The following CTNNBIP1 variants were observed in gnomAD, a reference collection of about 807,000 sequenced individuals.
CTNNBIP1 encodes catenin beta interacting protein 1.
Under a neutral mutation model 11.8 loss-of-function variants are expected in CTNNBIP1, and 7 were observed. The ratio of observed to expected loss-of-function variants is 0.60; its 90% CI spans 0.34 to 1.12. The LOEUF (loss-of-function observed/expected upper bound fraction) is 1.12. Among genes scored for constraint, CTNNBIP1 ranks in the 50% most tolerant of loss-of-function variants. The probability of loss-of-function intolerance (pLI) is 0.03; values close to 1 mark genes in which losing one functional copy is unlikely to be tolerated. For missense variants in CTNNBIP1, 101 were observed against 113.4 expected, an observed-to-expected ratio of 0.89 and a Z score of 0.50; for synonymous variants, 58 against 43.9, an observed-to-expected ratio of 1.32 and a Z score of -1.26.
At chr1:9,880,336 CCA>C (rs1170017544) in intron 2 of CTNNBIP1, among the ~76,000 whole-genome samples, 8 of 152,170 alleles carry the variant, frequency 5.3e-5, no homozygotes, top group Non-Finnish European at 1.2e-4. Flanking sequence ...GCATGGTATT[CCA>C]CAGTGTATAT....
intron 1 of CTNNBIP1, among the ~76,000 whole-genome samples, chr1:9,899,877 C>A (rs1639488463): frequency 6.6e-6 from 1 of 150,488 alleles, no homozygotes; most frequent in Non-Finnish European, 1.5e-5. Flanking sequence ...GGTTCGAGAC[C>A]AGCCTAGCCA....
At chr1:9,900,709 C>T (rs1380048789) in intron 1 of CTNNBIP1, among the ~76,000 whole-genome samples, 1 of 152,210 alleles carries the variant, frequency 6.6e-6, no homozygotes, top group Non-Finnish European at 1.5e-5. Flanking sequence ...TGGAAGACTG[C>T]TCTGTGCAGG....
In CTNNBIP1 at chr1:9,898,552, T is replaced by C. The variant is rs12405706; in HGVS notation, c.-144+11543A>G. 3.7e-3 allele frequency among the ~76,000 whole-genome samples: 560 copies of C among 150,918 alleles called. 10 individuals carry two copies. The highest frequency in any genetic ancestry group is 0.018 in the Admixed American group (278 of 15,192). Reference sequence around the variant, plus strand: ...GGGAAAAAAAAAATAAAAAGAACAGTGACAAATTGGCGAAAATATGTATAA... The same window carrying C: ...GGGAAAAAAAAAATAAAAAGAACAGCGACAAATTGGCGAAAATATGTATAA... On this transcript the variant is annotated intron_variant, in intron 1 of 5. Coordinates refer to ENST00000377263, the MANE Select transcript of CTNNBIP1 (RefSeq NM_020248.3).
chr1:9,910,003 C>T (rs1187350878), intron 1 of CTNNBIP1, 92 bp downstream of exon 1: 2 of 150,792 alleles, frequency 1.3e-5, no homozygotes, highest in Non-Finnish European at 3.0e-5. Context: ...CGGCCCCTCC[C>T]CGGCAGACAA....
chr1:9,881,496 C>T (rs1440387916), intron 2 of CTNNBIP1, among the ~76,000 whole-genome samples: 1 of 151,946 alleles, frequency 6.6e-6, no homozygotes, highest in Non-Finnish European at 1.5e-5. Context: ...CCCGCCACCA[C>T]ACCCGGCTAT....
intron 5 of CTNNBIP1, among the ~76,000 whole-genome samples, chr1:9,869,090 C>T (rs989940767): frequency 3.3e-5 from 5 of 151,196 alleles, no homozygotes; most frequent in African/African-American, 9.7e-5. Context: ...GCATCAACCT[C>T]CTGGGCTCAA....
chr1:9,901,530 T>C (rs973244445), intron 1 of CTNNBIP1, among the ~76,000 whole-genome samples: 8 of 152,158 alleles, frequency 5.3e-5, no homozygotes, highest in Non-Finnish European at 1.2e-4. Flanking sequence ...GTCAAGGACA[T>C]TGACCACAGG....
intron 1 of CTNNBIP1, among the ~76,000 whole-genome samples, 188 bp downstream of exon 1, chr1:9,909,907 C>A (rs1162967733): frequency 6.6e-6 from 1 of 151,950 alleles, no homozygotes; most frequent in African/African-American, 2.4e-5. Context: ...GGGAGGTGGT[C>A]TGCGGCGAGA....
intron 5 of CTNNBIP1, among the ~76,000 whole-genome samples, chr1:9,865,166 T>G (rs531525151): frequency 6.6e-6 from 1 of 151,534 alleles, no homozygotes; most frequent in South Asian, 2.1e-4. Context: ...GAGGTGGAGG[T>G]TGCAGTGAGC....
intron 1 of CTNNBIP1, among the ~76,000 whole-genome samples, chr1:9,887,205 G>C (rs1260578462): frequency 6.6e-6 from 1 of 152,246 alleles, no homozygotes; most frequent in African/African-American, 2.4e-5. Flanking sequence ...TCCAGGCACA[G>C]AGTGGCAGAG....
At chr1:9,860,631 A>AAG (rs1553188491) in intron 5 of CTNNBIP1, among the ~76,000 whole-genome samples, 3 of 150,850 alleles carry the variant, frequency 2.0e-5, no homozygotes, top group African/African-American at 4.9e-5. Flanking sequence ...AAAAAAAAAA[A>AAG]AAAAGAAAAA....
chr1:9,888,805 G>A (rs561663845), intron 1 of CTNNBIP1, among the ~76,000 whole-genome samples: 17 of 152,268 alleles, frequency 1.1e-4, no homozygotes, highest in African/African-American at 3.8e-4. Flanking sequence ...AGAGTAGCCC[G>A]CCTGTCCCCT....
chr1:9,908,262 T>G (rs1639657316), intron 1 of CTNNBIP1, among the ~76,000 whole-genome samples: 1 of 152,134 alleles, frequency 6.6e-6, no homozygotes, highest in Non-Finnish European at 1.5e-5. Flanking sequence ...TTTCACCATG[T>G]TGGTCAGGAT....
At chr1:9,895,907 T>C (rs1050720834) in intron 1 of CTNNBIP1, among the ~76,000 whole-genome samples, 1 of 151,958 alleles carries the variant, frequency 6.6e-6, no homozygotes, top group African/African-American at 2.4e-5. Flanking sequence ...GGATTACAGG[T>C]GTGAGCCACC....
chr1:9,879,408 TGAGG>T (rs1343247182), intron 2 of CTNNBIP1, among the ~76,000 whole-genome samples: 1 of 152,120 alleles, frequency 6.6e-6, no homozygotes, highest in African/African-American at 2.4e-5. Flanking sequence ...CCCAAGGGGC[TGAGG>T]AAGACATGTT....
At chr1:9,865,922 T>A (rs1191125409) in intron 5 of CTNNBIP1, among the ~76,000 whole-genome samples, 1 of 152,238 alleles carries the variant, frequency 6.6e-6, no homozygotes, top group Non-Finnish European at 1.5e-5. Flanking sequence ...CAGGAAGCTC[T>A]GGACCTCCCC....
intron 5 of CTNNBIP1, among the ~76,000 whole-genome samples, chr1:9,866,129 G>A (rs371025222): frequency 5.5e-4 from 83 of 152,204 alleles, no homozygotes; most frequent in Non-Finnish European, 9.7e-4. Context: ...CTCAGAGCCC[G>A]GTCAATAGAT....
At chr1:9,885,845 T>C (rs1639177922) in intron 1 of CTNNBIP1, among the ~76,000 whole-genome samples, 1 of 150,658 alleles carries the variant, frequency 6.6e-6, no homozygotes, top group South Asian at 2.1e-4. Context: ...GGCAGGAGAA[T>C]CGCTTGAATC....
intron 1 of CTNNBIP1, among the ~76,000 whole-genome samples, chr1:9,902,383 C>T (rs1363923725): frequency 6.6e-6 from 1 of 152,226 alleles, no homozygotes; most frequent in Non-Finnish European, 1.5e-5. Flanking sequence ...ATGAGCATTT[C>T]TCCCTGACTG....
Sources: allele counts gnomAD v4.1 joint callset (sites outside exome capture counted in the v4.1 genomes callset), GRCh38; gene constraint gnomAD v4.1.1; transcripts MANE v1.5; gene names NCBI Gene and HGNC (gene_info 2026-07-23, HGNC 2026-07-21).